RSU1: variants seen among roughly 807,000 people sequenced by gnomAD.
RSU1 encodes rsu-1.
A neutral mutation model predicts 31.1 loss-of-function variants in RSU1; 26 were observed. The observed-to-expected ratio is 0.84, with a 90% CI of 0.61 to 1.16. The LOEUF is 1.16. Among genes scored for constraint, RSU1 ranks in the 50% most tolerant of loss-of-function variants. The pLI is 0.00. For synonymous variants in RSU1, 164 were observed against 136.3 expected (o/e 1.20, Z -1.41); for missense variants, 320 against 339.1 (o/e 0.94, Z 0.44).
intron 7 of RSU1, among the ~76,000 whole-genome samples, chr10:16,726,861 T>G (rs1289323477): frequency 6.6e-6 from 1 of 152,122 alleles, no homozygotes. Flanking sequence ...AGGCATTGGA[T>G]GAAGCGAGCC....
chr10:16,647,302 G>C (rs561513452), intron 8 of RSU1, among the ~76,000 whole-genome samples: 1 of 152,142 alleles, frequency 6.6e-6, no homozygotes, highest in Non-Finnish European at 1.5e-5. Flanking sequence ...TTGTGGATAG[G>C]TATGTAAAGT....
At chr10:16,672,630 A>G (rs1380470328) in intron 8 of RSU1, among the ~76,000 whole-genome samples, 1 of 152,052 alleles carries the variant, frequency 6.6e-6, no homozygotes, top group Non-Finnish European at 1.5e-5. Flanking sequence ...TTTTAAATAG[A>G]GTACACATTA....
chr10:16,779,146 T>TC lies in RSU1; in HGVS notation c.160+2887dup, dbSNP rs1302600274. 3.1e-4 allele frequency among the ~76,000 whole-genome samples: 47 copies of TC among 152,198 alleles called. 2 individuals carry two copies. The highest frequency in any genetic ancestry group is 1.5e-4 in the Non-Finnish European group (10 of 67,998). On this transcript the variant is annotated intron_variant, in intron 3 of 8. Coordinates refer to ENST00000345264, the MANE Select transcript of RSU1 (RefSeq NM_012425.4). ...GGAAAGTTGCTACAGACAGATTAAG[T>TC]CCCCCGCTGACTTCAAAAACCCATC...
intron 7 of RSU1, among the ~76,000 whole-genome samples, chr10:16,746,885 A>T (rs1265296986): frequency 1.3e-5 from 2 of 152,128 alleles, no homozygotes; most frequent in Non-Finnish European, 2.9e-5. Context: ...CTGGCTGAAA[A>T]TACTGGGCAA....
At chr10:16,623,851 G>T (rs899777648) in intron 8 of RSU1, among the ~76,000 whole-genome samples, 1 of 152,154 alleles carries the variant, frequency 6.6e-6, no homozygotes, top group African/African-American at 2.4e-5. Flanking sequence ...AGTTACAAGA[G>T]ATTCAAGAAA....
chr10:16,702,871 G>A (rs546058985), intron 7 of RSU1, among the ~76,000 whole-genome samples: 9 of 152,270 alleles, frequency 5.9e-5, no homozygotes, highest in East Asian at 3.9e-4. Context: ...GAATGATATC[G>A]TTTGGATCTG....
chr10:16,805,522 A>T (rs545789058), intron 2 of RSU1, among the ~76,000 whole-genome samples: 3,798 of 151,906 alleles, frequency 0.025, 48 homozygotes, highest in Non-Finnish European at 0.036. Context: ...ATACAAAAAA[A>T]AAAGTTAGCC....
chr10:16,796,711 G>A (rs533496838), intron 2 of RSU1, among the ~76,000 whole-genome samples: 1 of 150,356 alleles, frequency 6.7e-6, no homozygotes, highest in African/African-American at 2.5e-5. Flanking sequence ...GTACCAAGGA[G>A]GAAAAAGTGT....
intron 8 of RSU1, among the ~76,000 whole-genome samples, chr10:16,630,394 G>C (rs1044436628): frequency 6.6e-6 from 1 of 152,106 alleles, no homozygotes; most frequent in Non-Finnish European, 1.5e-5. Flanking sequence ...CTCCTCTTTT[G>C]ACAAACTCAC....
chr10:16,713,680 A>G (rs1836068286), intron 7 of RSU1, among the ~76,000 whole-genome samples: 1 of 152,152 alleles, frequency 6.6e-6, no homozygotes, highest in Non-Finnish European at 1.5e-5. Flanking sequence ...CATTTCATAA[A>G]TGTCCTTTTC....
Position 16,741,801 on chromosome 10 carries a change from C to T in RSU1, c.598+10738G>A, listed in dbSNP as rs557026302. On this transcript the variant is annotated intron_variant, in intron 7 of 8. Coordinates refer to ENST00000345264, the MANE Select transcript of RSU1 (RefSeq NM_012425.4). ...AAGCAGGAAACCAGTTGAAAGGTTA[C>T]TCTAGCAACCCAGGTGAGAGATGAG... 2.0e-5 allele frequency among the ~76,000 whole-genome samples: 3 copies of T among 152,290 alleles called. No individual in the cohort carries two copies. The South Asian group carries it at 6.2e-4, about 32-fold the overall frequency.
chr10:16,714,401 G>A (rs1836089122), intron 7 of RSU1, among the ~76,000 whole-genome samples: 1 of 152,222 alleles, frequency 6.6e-6, no homozygotes, highest in Non-Finnish European at 1.5e-5. Context: ...CCAGCTGTCA[G>A]GCTAGACATA....
intron 8 of RSU1, among the ~76,000 whole-genome samples, chr10:16,618,743 C>T (rs946413363): frequency 6.6e-6 from 1 of 152,160 alleles, no homozygotes; most frequent in Non-Finnish European, 1.5e-5. Context: ...AAACCAGACA[C>T]CACATGCTAT....
intron 3 of RSU1, among the ~76,000 whole-genome samples, chr10:16,769,958 T>C (rs536483145): frequency 1.3e-5 from 2 of 152,120 alleles, no homozygotes; most frequent in Non-Finnish European, 2.9e-5. Flanking sequence ...CGGACAACTT[T>C]CCAGAGGAGA....
chr10:16,696,843 T>C (rs1835686460), intron 7 of RSU1, among the ~76,000 whole-genome samples: 1 of 132,900 alleles, frequency 7.5e-6, no homozygotes, highest in Non-Finnish European at 1.7e-5. Context: ...CATTGATCTT[T>C]GTTTTTATCT....
At chr10:16,680,532 G>A (rs1835311097) in intron 8 of RSU1, among the ~76,000 whole-genome samples, 1 of 152,138 alleles carries the variant, frequency 6.6e-6, no homozygotes, top group South Asian at 2.1e-4. Context: ...TGCTTCTAGG[G>A]AGGCCTCAGG....
intron 2 of RSU1, among the ~76,000 whole-genome samples, chr10:16,801,964 G>A (rs563508931): frequency 7.9e-5 from 12 of 151,872 alleles, no homozygotes; most frequent in East Asian, 3.9e-4. Flanking sequence ...ATGGCAAAAC[G>A]GCAATTACCT....
At chr10:16,683,348 A>G (rs1007294605) in intron 8 of RSU1, among the ~76,000 whole-genome samples, 5 of 152,208 alleles carry the variant, frequency 3.3e-5, no homozygotes, top group Admixed American at 2.0e-4. Flanking sequence ...TTGAGTAACA[A>G]TAAATATTTC....
intron 3 of RSU1, among the ~76,000 whole-genome samples, chr10:16,777,975 A>G (rs1481710952): frequency 6.6e-6 from 1 of 151,898 alleles, no homozygotes; most frequent in Admixed American, 6.6e-5. Context: ...CTATGATTGT[A>G]AAGATGAGAT....
Sources: gnomAD v4.1 joint callset for allele counts (sites outside exome capture counted in the v4.1 genomes callset) on GRCh38, gnomAD v4.1.1 for gene constraint, MANE v1.5 for transcripts, NCBI Gene and HGNC (gene_info 2026-07-23, HGNC 2026-07-21) for gene names.